GBP5: variants seen among roughly 807,000 people sequenced by gnomAD.
The protein encoded by GBP5 is guanylate-binding protein 5.
GBP5 carries 48 observed loss-of-function variants against 58.2 expected under a neutral mutation model. The ratio of observed to expected loss-of-function variants is 0.83; its 90% CI spans 0.65 to 1.05. The LOEUF is 1.05. GBP5 is among the 50% of genes least tolerant of loss of function. The probability of loss-of-function intolerance (pLI) is 0.00; values close to 1 mark genes in which losing one functional copy is unlikely to be tolerated. For synonymous variants in GBP5, 248 were observed against 251.8 expected (o/e 0.98, Z 0.14); for missense variants, 714 against 686.8 (o/e 1.04, Z -0.44).
intron 2 of GBP5, chr1:89,270,383 C>T (rs2100600241): frequency 6.6e-6 from 1 of 152,264 alleles, no homozygotes; most frequent in East Asian, 1.9e-4. Context: ...TGGTTATTTA[C>T]TAAGGATGCT....
At position 89,267,576 on chromosome 1, in the gene GBP5, G is replaced by A. The variant is rs747809724; in HGVS notation, c.319-50C>T. ...CATGTCTCATGGGATTCCCAGATGA[G>A]CGATATTTAAAAATAGGCTCTTGTC... On this transcript the variant is annotated intron_variant, in intron 4 of 11. Transcript: ENST00000370459. The A allele has an allele frequency of 5.7e-5, 64 of 1,119,930 alleles. 1 individual carries two copies. In the East Asian group the frequency reaches 1.4e-3, roughly 24 times the overall value. The allele number at this position is 1,119,930 out of a possible 1,614,324, so 69.4% of individuals were successfully genotyped here.
chr1:89,270,461 A>G (rs1650399254), intron 2 of GBP5: 1 of 152,214 alleles, frequency 6.6e-6, no homozygotes, highest in Non-Finnish European at 1.5e-5. Context: ...TGGATTCTCC[A>G]TCTCTTTACT....
In GBP5 at chr1:89,267,046, G is replaced by A. The variant is rs186101238; in HGVS notation, c.536C>T (p.Thr179Ile). Residue 179 changes from threonine to isoleucine, a missense_variant, in exon 6 of 12, where the codon ACT (threonine) becomes ATT (isoleucine). Thr to Ile is a moderately conservative substitution (Grantham distance 89). Coordinates refer to ENST00000370459, the MANE Select transcript of GBP5 (RefSeq NM_052942.5). ...SASFFPDLVW[T>I]LRDFCLGLEI... Reference sequence around the variant, plus strand: ...CAGGCCTAAGCAGAAATCTCTCAGAGTCCACACTAAGTCTGGGAAGAAGCT... The same window carrying A: ...CAGGCCTAAGCAGAAATCTCTCAGAATCCACACTAAGTCTGGGAAGAAGCT... The A allele has an allele frequency of 1.2e-6, 2 of 1,612,680 alleles. No homozygotes were observed. The highest frequency in any genetic ancestry group is 1.3e-5 in the African/African-American group (1 of 74,954).
chr1:89,267,471 G>T lies in GBP5; in HGVS notation c.374C>A (p.Thr125Asn), dbSNP rs768310850. 16 of 1,614,014 alleles carry T rather than the reference G, an allele frequency of 9.9e-6. No individual in the cohort carries two copies. The Middle Eastern group carries it at 4.9e-4, about 50-fold the overall frequency. The change falls in exon 5 of 12, where the codon ACC becomes AAC. Residue 125 changes from threonine (T) to asparagine (N), a missense_variant. By Grantham distance (65) the Thr-to-Asn change is moderately conservative (BLOSUM62 0). Coordinates refer to ENST00000370459, the MANE Select transcript of GBP5 (RefSeq NM_052942.5). ...IFALALLLSS[T>N]FVYNTVNKID... ...TTTGTTCACAGTATTGTACACAAAG[G>T]TGCTGCTCAGTAAGAGTGCCAGTGC...
At chr1:89,263,461 G>C (rs984110835) in intron 9 of GBP5, 2 of 332,676 alleles carry the variant, frequency 6.0e-6, no homozygotes, top group Non-Finnish European at 1.1e-5. Context: ...AGGCCTCTTT[G>C]TTGCAATGAA....
chr1:89,266,302 T>A (rs147424374), intron 7 of GBP5, 44 bp downstream of exon 7: 20 of 1,542,368 alleles, frequency 1.3e-5, no homozygotes, highest in Non-Finnish European at 1.8e-5. Flanking sequence ...GTGTCCCTTA[T>A]AGTTTACATT....
rs1406552084 is a variant in GBP5 at position 89,265,086 on chromosome 1, C to CAGTA, written c.869-124_869-121dup. The stretch of plus-strand genomic sequence containing the variant: ...GCCTGAAATTGTTTAGCATTATGGA[C>CAGTA]AGTAGTCAAGTGGCCCAAATAAGTT... On this transcript the variant is annotated intron_variant, in intron 7 of 11. Transcript: ENST00000370459. 3.1e-6 allele frequency: 3 copies of CAGTA among 970,186 alleles called. No homozygotes were observed. In the African/African-American group the frequency reaches 4.9e-5, roughly 16 times the overall value. 60.1% of individuals were successfully genotyped at this position (970,186 alleles called of 1,614,324 possible).
rs1570409576 is a variant in GBP5 at position 89,261,969 on chromosome 1, T to G, written c.1647+251A>C. On this transcript the variant is annotated intron_variant, in intron 11 of 11. Transcript: ENST00000370459. ...ACACAAATATTAACTCATTTAATTATCAAAATAACCCTATAACATAGATAT... is the reference window on the plus strand; with the variant it reads ...ACACAAATATTAACTCATTTAATTAGCAAAATAACCCTATAACATAGATAT... 6.5e-6 allele frequency: 3 copies of G among 460,894 alleles called. No homozygotes were observed. In the East Asian group the frequency reaches 1.0e-4, roughly 16 times the overall value. The allele number at this position is 460,894 out of a possible 1,614,324, so 28.6% of individuals were successfully genotyped here.
Position 89,262,707 on chromosome 1 carries a change from T to A in GBP5, c.1441A>T (p.Thr481Ser), listed in dbSNP as rs2100717564. 6.2e-7 allele frequency: 1 copy of A among 1,607,586 alleles called. No individual in the cohort carries two copies. The highest frequency in any genetic ancestry group is 2.2e-5 in the East Asian group (1 of 44,772). ...CCTTTCTTCTTTTTTTCCGTCTCTGTGAGAGCCTGGTCAGTCTGTAATATT... is the reference window on the plus strand; with the variant it reads ...CCTTTCTTCTTTTTTTCCGTCTCTGAGAGAGCCTGGTCAGTCTGTAATATT... ...HAILQTDQALTETEKKKKEAQ... is the reference protein window; with the variant it reads ...HAILQTDQALSETEKKKKEAQ... Residue 481 changes from threonine to serine, a missense_variant, in exon 10 of 12, where the codon ACA (threonine) becomes TCA (serine). By Grantham distance (58) the Thr-to-Ser change is moderately conservative. Coordinates refer to ENST00000370459, the MANE Select transcript of GBP5 (RefSeq NM_052942.5).
rs202079327 is a variant in GBP5, at chr1:89,264,701, G to T, written c.1134C>A (p.Phe378Leu). ...AAAATATCACCTCCAATTCTTTCTG[G>T]AAACTTTGGTCTACATCCTTGAAAG... ...KNSFKDVDQS[F>L]QKELETLLDA... is the part of the protein sequence containing the mutation. Residue 378 changes from phenylalanine to leucine, a missense_variant, in exon 8 of 12, where the codon TTC (phenylalanine) becomes TTA (leucine). Transcript: ENST00000370459. 160 of 1,613,170 alleles carry T rather than the reference G, an allele frequency of 9.9e-5. No homozygotes were observed. In the East Asian group the frequency reaches 3.4e-3, roughly 34 times the overall value.
chr1:89,267,322 C>G (rs1460788084), intron 5 of GBP5, 95 bp downstream of exon 5: 1 of 1,047,218 alleles, frequency 9.5e-7, no homozygotes, highest in Non-Finnish European at 1.4e-6. Context: ...TATCACGTTT[C>G]CATTTTTGTG....
At position 89,268,796 on chromosome 1, in the gene GBP5, G is replaced by C; in HGVS notation, c.251C>G (p.Pro84Arg). The part of the protein sequence containing the change: ...HTKGIWIWCV[P>R]HPNWPNHTLV... ...TGTGTGATTTGGCCAGTTGGGATGA[G>C]GCACACACCATATCCAAATTCCCTT... Residue 84 changes from proline to arginine, a missense_variant, in exon 4 of 12, where the codon CCT becomes CGT. By Grantham distance (103) the Pro-to-Arg change is moderately radical. Coordinates refer to ENST00000370459, the MANE Select transcript of GBP5 (RefSeq NM_052942.5). 2 of 1,613,928 alleles carry C rather than the reference G, an allele frequency of 1.2e-6. No homozygotes were observed. Among genetic ancestry groups the C allele is most frequent in the Non-Finnish European group, 1.7e-6 (2 of 1,179,868 alleles).
intron 4 of GBP5, 59 bp from the exon 5 acceptor site, chr1:89,267,585 A>T: frequency 1.0e-6 from 1 of 998,368 alleles, no homozygotes; most frequent in Non-Finnish European, 1.6e-6. Flanking sequence ...AGCGATATTT[A>T]AAAATAGGCT....
In GBP5 at chr1:89,272,556, G is replaced by T. The variant is rs1650502377; in HGVS notation, c.-232C>A. On this transcript the variant is annotated 5_prime_UTR_variant, in exon 1 of 12. Coordinates refer to ENST00000370459, the MANE Select transcript of GBP5 (RefSeq NM_052942.5). ...CTTAAAGGTGGCGTGTCAGGAGTTT[G>T]CTCCTTCTGATGTTCGGATGTGTTT... 2 of 157,588 alleles carry T rather than the reference G, an allele frequency of 1.3e-5. No individual in the cohort carries two copies. The highest frequency in any genetic ancestry group is 1.4e-5 in the Non-Finnish European group (1 of 72,418). 9.8% of individuals were successfully genotyped at this position (157,588 alleles called of 1,614,324 possible).
chr1:89,266,169 T>C lies in GBP5; in HGVS notation c.868+177A>G, dbSNP rs667942. ...TTTTATGTAACTTTAAAGGTATTAC[T>C]ACACACACTTAGTAATATGTGATAC... On this transcript the variant is annotated intron_variant, in intron 7 of 11. Transcript: ENST00000370459. 0.033 allele frequency among the ~76,000 whole-genome samples: 5,027 copies of C among 152,332 alleles called. 294 individuals are homozygous for C. Among genetic ancestry groups the C allele is most frequent in the African/African-American group, 0.11 (4,763 of 41,560 alleles).
rs969154408 is a variant in GBP5 at position 89,265,999 on chromosome 1, T to C, written c.868+347A>G. ...ACGTTTCACTTATACAGGGAACATA[T>C]ATGTCTTGTTCATCTTGTGCCTATC... On this transcript the variant is annotated intron_variant, in intron 7 of 11. Coordinates refer to ENST00000370459, the MANE Select transcript of GBP5 (RefSeq NM_052942.5). Among the ~76,000 whole-genome samples, 15 of 152,198 alleles carry C rather than the reference T, an allele frequency of 9.9e-5. 1 individual carries two copies. The highest frequency in any genetic ancestry group is 3.1e-4 in the African/African-American group (13 of 41,456).
chr1:89,262,980 A>C (rs1650071084), intron 9 of GBP5, 195 bp from the exon 10 acceptor site: 2 of 428,958 alleles, frequency 4.7e-6, no homozygotes, highest in Admixed American at 8.0e-5. Flanking sequence ...GAGACTGGAG[A>C]GGCTTGTGGA....
Position 89,260,415 on chromosome 1 carries a change from A to C in GBP5, c.*289T>G. On this transcript the variant is annotated 3_prime_UTR_variant, in exon 12 of 12. Transcript: ENST00000370459. ...GATGACATTGAGATGCAAGGAAAGC[A>C]TCTCCTGATGAAACCATCCCAATAT... The C allele has an allele frequency of 8.1e-6, 2 of 246,282 alleles. No homozygotes were observed. Among genetic ancestry groups the C allele is most frequent in the South Asian group, 1.2e-4 (2 of 17,134 alleles). 15.3% of individuals were successfully genotyped at this position (246,282 alleles called of 1,614,324 possible).
chr1:89,264,559 G>T, intron 8 of GBP5, 127 bp downstream of exon 8: 1 of 794,084 alleles, frequency 1.3e-6, no homozygotes, highest in Non-Finnish European at 2.0e-6. Context: ...TAAAAGTGGT[G>T]TCATGGCTAT....
Sources: gnomAD v4.1 joint callset for allele counts (sites outside exome capture counted in the v4.1 genomes callset) on GRCh38, gnomAD v4.1.1 for gene constraint, MANE v1.5 for transcripts, NCBI Gene and HGNC (gene_info 2026-07-23, HGNC 2026-07-21) for gene names.